The following ATAD2B variants were observed in gnomAD, a reference collection of about 807,000 sequenced individuals.
ATAD2B encodes the protein ATPase family AAA domain-containing protein 2B.
Under a neutral mutation model 167.6 loss-of-function variants are expected in ATAD2B, and 40 were observed. The observed-to-expected ratio is 0.24, with a 90% CI of 0.19 to 0.31. The LOEUF (loss-of-function observed/expected upper bound fraction) is 0.31. Among genes scored for constraint, ATAD2B ranks in the 10% least tolerant of loss-of-function variants. ATAD2B has a pLI of 1.00. For missense variants in ATAD2B, 1,242 were observed against 1,757.2 expected (o/e 0.71, Z 5.24); for synonymous variants, 579 against 596.5 (o/e 0.97, Z 0.43).
At chr2:23,798,347 T>C (rs1280246424) in intron 18 of ATAD2B, 24 bp from the exon 19 acceptor site, 4 of 1,533,488 alleles carry the variant, frequency 2.6e-6, no homozygotes, top group South Asian at 1.2e-5. Context: ...AAAACCAACA[T>C]TAAACAACTC....
chr2:23,695,813 T>A, the ATAD2B span: 1 of 1,548,490 alleles, frequency 6.5e-7, no homozygotes, highest in Admixed American at 2.0e-5. This position sits in a 1 kb window ranked among gnomAD's most constrained non-coding sequence, Gnocchi z 7.6. Flanking sequence ...CGGCCGCGCC[T>A]CTCTGCAGGT....
chr2:23,728,413 C>T, the ATAD2B span, among the ~76,000 whole-genome samples: 1 of 152,156 alleles, frequency 6.6e-6, no homozygotes, highest in African/African-American at 2.4e-5. Flanking sequence ...GGCACTGACA[C>T]TTCTCTGGAT....
At chr2:23,779,060 A>G (rs1359612652) in intron 22 of ATAD2B, among the ~76,000 whole-genome samples, 1 of 151,866 alleles carries the variant, frequency 6.6e-6, no homozygotes, top group African/African-American at 2.4e-5. Context: ...ATGCTTTACT[A>G]TCCATCCTGT....
intron 17 of ATAD2B, among the ~76,000 whole-genome samples, chr2:23,812,114 C>T (rs1248738681): frequency 6.6e-6 from 1 of 151,696 alleles, no homozygotes; most frequent in African/African-American, 2.4e-5. Context: ...TAAAATGGAA[C>T]TAATAGAAAG....
the ATAD2B span, among the ~76,000 whole-genome samples, chr2:23,724,809 C>A: frequency 6.6e-6 from 1 of 151,890 alleles, no homozygotes; most frequent in Non-Finnish European, 1.5e-5. Flanking sequence ...TTTGGGAGGC[C>A]GAGGTGGGCG....
chr2:23,847,176 G>T (rs1691790447), intron 13 of ATAD2B, among the ~76,000 whole-genome samples: 1 of 136,276 alleles, frequency 7.3e-6, no homozygotes, highest in Non-Finnish European at 1.6e-5. Context: ...CTTGAGACTA[G>T]CCTGGGCAAC....
At chr2:23,881,415 C>T (rs1034223582) in intron 6 of ATAD2B, among the ~76,000 whole-genome samples, 1 of 132,992 alleles carries the variant, frequency 7.5e-6, no homozygotes, top group African/African-American at 2.9e-5. Flanking sequence ...GGCTGGAGTA[C>T]AGTGGCGTGA....
At chr2:23,703,965 C>A in the ATAD2B span, 1 of 1,332,270 alleles carries the variant, frequency 7.5e-7, no homozygotes, top group Non-Finnish European at 1.0e-6. Context: ...TAGCAATTCC[C>A]AGGCCCAGAG....
At chr2:23,863,239 G>T in intron 12 of ATAD2B, 142 bp downstream of exon 12, 1 of 756,328 alleles carries the variant, frequency 1.3e-6, no homozygotes, top group Non-Finnish European at 2.0e-6. Context: ...AGCCCTGGAT[G>T]TCAAGACAGT....
At chr2:23,896,644 C>G (rs1396082622) in intron 1 of ATAD2B, among the ~76,000 whole-genome samples, 2 of 152,140 alleles carry the variant, frequency 1.3e-5, no homozygotes, top group Non-Finnish European at 2.9e-5. Context: ...ATACAACCCC[C>G]CAATCAGGAA....
At chr2:23,841,300 GC>G (rs1479450806) in intron 13 of ATAD2B, among the ~76,000 whole-genome samples, 1 of 151,870 alleles carries the variant, frequency 6.6e-6, no homozygotes, top group African/African-American at 2.4e-5. Context: ...CTTTTTACAT[GC>G]ACAGTAATGC....
chr2:23,912,418 G>T (rs1164931816), intron 1 of ATAD2B, among the ~76,000 whole-genome samples: 1 of 151,748 alleles, frequency 6.6e-6, no homozygotes, highest in Non-Finnish European at 1.5e-5. Context: ...GAGACAGAAG[G>T]ATCACTTGAG....
intron 14 of ATAD2B, 89 bp downstream of exon 14, chr2:23,833,830 T>C: frequency 9.2e-7 from 1 of 1,089,610 alleles, no homozygotes; most frequent in Non-Finnish European, 1.3e-6. Flanking sequence ...ATCTGAACAA[T>C]GAAAATTCAT....
the ATAD2B span, among the ~76,000 whole-genome samples, chr2:23,687,604 A>T: frequency 6.6e-6 from 1 of 152,220 alleles, no homozygotes; most frequent in African/African-American, 2.4e-5. Context: ...GGAGACGAGC[A>T]GAGACGATGC....
chr2:23,768,572 C>CA (rs756238773), intron 22 of ATAD2B, among the ~76,000 whole-genome samples: 5,084 of 135,538 alleles, frequency 0.038, 96 homozygotes, highest in Non-Finnish European at 0.052. Context: ...ATCCTGTCTC[C>CA]AAAAAAAAAA....
At chr2:23,829,887 T>A (rs1372983936) in intron 14 of ATAD2B, among the ~76,000 whole-genome samples, 2 of 152,242 alleles carry the variant, frequency 1.3e-5, no homozygotes, top group African/African-American at 4.8e-5. Flanking sequence ...CAATTTTACA[T>A]TGATTTCAGC....
rs1241742118 is a variant in ATAD2B, at chr2:23,867,851, A to G, written c.1172T>C (p.Met391Thr). ...VGASLADVDP[M>T]NIDKSVRFDS... ...AAAACTTACTGATTTATCAATGTTCATTGGATCAACATCAGCCAAGCTTGC... is the reference window on the plus strand; with the variant it reads ...AAAACTTACTGATTTATCAATGTTCGTTGGATCAACATCAGCCAAGCTTGC... Residue 391 changes from methionine (M) to threonine (T), a missense_variant, in exon 10 of 28, where the codon ATG becomes ACG. This residue lies in a region of ATAD2B where 127 missense variants were observed against 146.3 expected (regional missense o/e 0.87). Coordinates refer to ENST00000238789, the MANE Select transcript of ATAD2B (RefSeq NM_017552.4). 1 of 1,610,146 alleles carries G rather than the reference A, an allele frequency of 6.2e-7. No individual in the cohort carries two copies. The highest frequency in any genetic ancestry group is 1.1e-5 in the South Asian group (1 of 90,350).
intron 6 of ATAD2B, chr2:23,883,549 T>A: frequency 8.9e-7 from 1 of 1,129,424 alleles, no homozygotes; most frequent in East Asian, 6.0e-5. Flanking sequence ...TACAAAGATG[T>A]TCAGTTAATG....
At chr2:23,868,087 T>C in intron 9 of ATAD2B, 141 bp from the exon 10 acceptor site, 1 of 620,074 alleles carries the variant, frequency 1.6e-6, no homozygotes, top group Non-Finnish European at 2.8e-6. Flanking sequence ...GATTTCATAC[T>C]TTTACTCTAC....
Sources: gnomAD v4.1 joint callset for allele counts (sites outside exome capture counted in the v4.1 genomes callset) on GRCh38, gnomAD v4.1.1 for gene constraint, gnomAD v4.1.1 regional missense constraint, Gnocchi (gnomAD v3.1) non-coding constraint, MANE v1.5 for transcripts, NCBI Gene and HGNC (gene_info 2026-07-23, HGNC 2026-07-21) for gene names.